Variants in ITGAL observed in about 807,000 individuals in gnomAD.
ITGAL encodes the protein integrin subunit alpha L.
A neutral mutation model predicts 138.4 loss-of-function variants in ITGAL; 68 were observed. The observed-to-expected ratio is 0.49, with a 90% CI of 0.40 to 0.60. ITGAL has a LOEUF of 0.60. ITGAL is among the 20% of genes least tolerant of loss of function. The probability of loss-of-function intolerance (pLI) is 0.00; values close to 1 mark genes in which losing one functional copy is unlikely to be tolerated. For synonymous variants in ITGAL, 561 were observed against 584.3 expected (o/e 0.96, Z 0.57); for missense variants, 1,256 against 1,478.6 (o/e 0.85, Z 2.47).
chr16:30,492,522 G>A (rs1435825796), intron 11 of ITGAL, among the ~76,000 whole-genome samples: 2 of 151,228 alleles, frequency 1.3e-5, no homozygotes, highest in African/African-American at 4.9e-5. Context: ...AGAGTGCTGG[G>A]ATTACAGGCG....
intron 4 of ITGAL, among the ~76,000 whole-genome samples, chr16:30,478,542 C>CA (rs1434991372): frequency 6.6e-6 from 1 of 151,036 alleles, no homozygotes; most frequent in African/African-American, 2.4e-5. Context: ...GCTAAAAATA[C>CA]AAAAAATTAG....
At chr16:30,497,400 G>C (rs967746940) in intron 15 of ITGAL, among the ~76,000 whole-genome samples, 1 of 151,494 alleles carries the variant, frequency 6.6e-6, no homozygotes, top group African/African-American at 2.4e-5. Context: ...CCAGCACTTT[G>C]AGAGGCTGTG....
At chr16:30,516,446 T>A (rs902738569) in intron 25 of ITGAL, among the ~76,000 whole-genome samples, 4 of 152,032 alleles carry the variant, frequency 2.6e-5, no homozygotes, top group African/African-American at 9.7e-5. Flanking sequence ...GTCAGGCTGG[T>A]CTCAAACTCC....
chr16:30,517,814 C>T lies in ITGAL; in HGVS notation c.3051C>T (p.Ala1017=). ...CTTGTCAGCCTTGTCTCCCCGGAGC[C>T]CTGTTCCGCTGCCCTGTTGTCTTCA... The part of the protein sequence containing the change: ...PDAAEPCLPG[A]LFRCPVVFRQ... The change falls in exon 28 of 31, where the codon GCC becomes GCT. Residue 1017 remains alanine (A), a synonymous_variant. Coordinates refer to ENST00000356798, the MANE Select transcript of ITGAL (RefSeq NM_002209.3). 6.2e-7 allele frequency: 1 copy of T among 1,614,152 alleles called. No individual in the cohort carries two copies. Among genetic ancestry groups the T allele is most frequent in the Non-Finnish European group, 8.5e-7 (1 of 1,180,030 alleles).
intron 6 of ITGAL, chr16:30,481,148 A>G (rs1239080086): frequency 1.2e-5 from 1 of 82,696 alleles, no homozygotes; most frequent in Non-Finnish European, 2.5e-5. Context: ...CTAAAAACAC[A>G]CACACACACA....
At chr16:30,506,262 T>TA (rs59616156) in intron 20 of ITGAL, among the ~76,000 whole-genome samples, 19,546 of 111,254 alleles carry the variant, frequency 0.18, 2,758 homozygotes, top group East Asian at 0.37. Context: ...TCTGTCTCAA[T>TA]AAAAAAAAAA....
In ITGAL at chr16:30,518,662, C is replaced by A. The variant is rs1451995584; in HGVS notation, c.3171C>A (p.Ile1057=). The change falls in exon 29 of 31, where the codon ATC becomes ATA. Residue 1057 remains isoleucine (I), a synonymous_variant. Coordinates refer to ENST00000356798, the MANE Select transcript of ITGAL (RefSeq NM_002209.3). ...TCAGCCTCTGCAGCTCCCTCTCCAT[C>A]TCCTTCAACAGCAGCAAGCATTTCC... ...SMFSLCSSLS[I]SFNSSKHFHL... 6.2e-7 allele frequency: 1 copy of A among 1,614,002 alleles called. No individual in the cohort carries two copies. Among genetic ancestry groups the A allele is most frequent in the African/African-American group, 1.3e-5 (1 of 74,914 alleles).
In ITGAL at chr16:30,517,882, T is replaced by G. The variant is rs778904964; in HGVS notation, c.3119T>G (p.Val1040Gly). ...LVQVIGTLEL[V>G]GEIEASSMFS... ...CAAGTGATCGGGACTCTGGAGCTGGTGGGAGAGATCGAGGTAGTCCCCGCT... is the reference window on the plus strand; with the variant it reads ...CAAGTGATCGGGACTCTGGAGCTGGGGGGAGAGATCGAGGTAGTCCCCGCT... The change falls in exon 28 of 31, where the codon GTG becomes GGG. Residue 1040 changes from valine (V) to glycine (G), a missense_variant. Around this residue, in one of 3 missense-constraint regions of ITGAL, gnomAD observed 867 missense variants for 972.5 expected, o/e 0.89. Coordinates refer to ENST00000356798, the MANE Select transcript of ITGAL (RefSeq NM_002209.3). 1.9e-6 allele frequency: 3 copies of G among 1,613,970 alleles called. No homozygotes were observed. Among genetic ancestry groups the G allele is most frequent in the Non-Finnish European group, 2.5e-6 (3 of 1,179,984 alleles).
chr16:30,499,717 A>ATATATATGTGTATATATATATATG (rs2050860864), intron 17 of ITGAL, among the ~76,000 whole-genome samples: 1 of 107,638 alleles, frequency 9.3e-6, no homozygotes, highest in African/African-American at 4.5e-5. Context: ...ATATATGTAT[A>ATATATATGTGTATATATATATATG]TATATATATA....
rs778948664 is a variant in ITGAL at position 30,489,076 on chromosome 16, C to T, written c.1007-6C>T. ...GGTCTCACCTGTTCTCTGCTTTGTT[C>T]CCCAGGCACAAGCAAACAGGACCTG... On this transcript the variant is annotated splice_region_variant and splice_polypyrimidine_tract_variant and intron_variant, in intron 9 of 30. Coordinates refer to ENST00000356798, the MANE Select transcript of ITGAL (RefSeq NM_002209.3). The T allele has an allele frequency of 3.1e-6, 5 of 1,612,822 alleles. No individual in the cohort carries two copies. The Admixed American group carries it at 8.3e-5, about 27-fold the overall frequency.
At chr16:30,474,110 C>A in intron 1 of ITGAL, 86 bp from the exon 2 acceptor site, 1 of 990,978 alleles carries the variant, frequency 1.0e-6, no homozygotes, top group Non-Finnish European at 1.5e-6. Context: ...GAGCGACATC[C>A]GGGTGGGCCT....
At chr16:30,477,618 A>G (rs2050489676) in intron 4 of ITGAL, among the ~76,000 whole-genome samples, 1 of 152,082 alleles carries the variant, frequency 6.6e-6, no homozygotes, top group African/African-American at 2.4e-5. Flanking sequence ...ATCTGGCAGG[A>G]AAGGGTCATA....
chr16:30,485,689 T>TTTTTGTA (rs2050637480), intron 9 of ITGAL, among the ~76,000 whole-genome samples: 1 of 151,076 alleles, frequency 6.6e-6, no homozygotes, highest in Non-Finnish European at 1.5e-5. Flanking sequence ...TTTTTTTTTT[T>TTTTTGTA]TTTTTTGTAT....
intron 13 of ITGAL, 29 bp from the exon 14 acceptor site, chr16:30,496,068 G>T: frequency 6.3e-7 from 1 of 1,578,306 alleles, no homozygotes; most frequent in African/African-American, 1.3e-5. Flanking sequence ...GAGTGACTTG[G>T]GTGTGACCTG....
chr16:30,475,559 C>T lies in ITGAL; in HGVS notation c.306C>T (p.Asp102=). The stretch of plus-strand genomic sequence containing the variant: ...ACTTGGGAATGACCTTGGCAACAGA[C>T]CCCACAGATGGAAGCATTTTGGTAA... The part of the protein sequence containing the change: ...SKYLGMTLAT[D]PTDGSILACD... Residue 102 remains aspartate (D), a synonymous_variant, in exon 4 of 31, where the codon GAC becomes GAT. Transcript: ENST00000356798. The T allele has an allele frequency of 6.2e-7, 1 of 1,613,712 alleles. No homozygotes were observed. Among genetic ancestry groups the T allele is most frequent in the South Asian group, 1.1e-5 (1 of 91,070 alleles).
intron 9 of ITGAL, 199 bp from the exon 10 acceptor site, chr16:30,488,882 CA>C: frequency 3.5e-6 from 2 of 572,528 alleles, no homozygotes; most frequent in Middle Eastern, 4.8e-4. Flanking sequence ...GTTTCAACAA[CA>C]AAAAACAAAC....
Position 30,484,175 on chromosome 16 carries a change from C to T in ITGAL, c.918C>T (p.Pro306=), listed in dbSNP as rs7191097. The T allele has an allele frequency of 0.017, 27,574 of 1,613,934 alleles. 3,422 individuals are homozygous for T. In the African/African-American group the frequency reaches 0.3, roughly 17 times the overall value. Residue 306 remains proline, a synonymous_variant, in exon 9 of 31, where the codon CCC becomes CCT. Coordinates refer to ENST00000356798, the MANE Select transcript of ITGAL (RefSeq NM_002209.3). ...CCCTCCACAAATTTGCATCAAAACC[C>T]GCGAGCGAGTTTGTGAAAATTCTGG... ...QETLHKFASK[P]ASEFVKILDT...
chr16:30,499,252 G>A lies in ITGAL; in HGVS notation c.1993+18G>A. On this transcript the variant is annotated intron_variant, in intron 16 of 30. Coordinates refer to ENST00000356798, the MANE Select transcript of ITGAL (RefSeq NM_002209.3). Reference sequence around the variant, plus strand: ...GTTCCAAGGTCAGAGCTCTCCTCCTGCTCCCAGGGCAGCTGCCGCCCCAAA... The same window carrying A: ...GTTCCAAGGTCAGAGCTCTCCTCCTACTCCCAGGGCAGCTGCCGCCCCAAA... 6.2e-7 allele frequency: 1 copy of A among 1,613,182 alleles called. No individual in the cohort carries two copies. Among genetic ancestry groups the A allele is most frequent in the Non-Finnish European group, 8.5e-7 (1 of 1,179,214 alleles).
chr16:30,497,786 T>C (rs967966643), intron 15 of ITGAL, among the ~76,000 whole-genome samples: 4 of 151,004 alleles, frequency 2.6e-5, no homozygotes, highest in Non-Finnish European at 5.9e-5. Flanking sequence ...CCCTTTTCTT[T>C]TTTTTTTTTA....
Sources: gnomAD v4.1 joint callset for allele counts (sites outside exome capture counted in the v4.1 genomes callset) on GRCh38, gnomAD v4.1.1 for gene constraint, gnomAD v4.1.1 regional missense constraint, MANE v1.5 for transcripts, NCBI Gene and HGNC (gene_info 2026-07-23, HGNC 2026-07-21) for gene names.